Variants in RAPGEF4 observed in about 807,000 individuals in gnomAD.
RAPGEF4 encodes the protein RAP guanine-nucleotide-exchange factor (GEF) 4.
A neutral mutation model predicts 147.9 loss-of-function variants in RAPGEF4; 66 were observed. The observed-to-expected ratio is 0.45, with a 90% CI of 0.37 to 0.55. The LOEUF is 0.55. RAPGEF4 is among the 20% of genes least tolerant of loss of function. RAPGEF4 has a pLI of 0.00. For missense variants in RAPGEF4, 1,071 were observed against 1,257.3 expected, an observed-to-expected ratio of 0.85 and a Z score of 2.24; for synonymous variants, 419 against 442.7, an observed-to-expected ratio of 0.95 and a Z score of 0.67.
chr2:173,028,244 G>T (rs912999823), intron 25 of RAPGEF4, among the ~76,000 whole-genome samples: 7 of 152,168 alleles, frequency 4.6e-5, no homozygotes, highest in African/African-American at 1.7e-4. Context: ...AGAAAGGCTT[G>T]GTAAAATGGT....
intron 4 of RAPGEF4, among the ~76,000 whole-genome samples, chr2:172,827,481 T>C (rs952306975): frequency 6.6e-6 from 1 of 152,050 alleles, no homozygotes; most frequent in African/African-American, 2.4e-5. Flanking sequence ...ACCTCTTCCT[T>C]TACATTAACC....
At chr2:172,788,175 C>T (rs1685427070) in intron 1 of RAPGEF4, among the ~76,000 whole-genome samples, 1 of 152,206 alleles carries the variant, frequency 6.6e-6, no homozygotes, top group Non-Finnish European at 1.5e-5. Flanking sequence ...CCAAAGGCTC[C>T]ACCTCCTAAT....
intron 29 of RAPGEF4, among the ~76,000 whole-genome samples, chr2:173,037,905 T>C (rs1462970506): frequency 6.6e-6 from 1 of 152,192 alleles, no homozygotes; most frequent in East Asian, 1.9e-4. Context: ...TTATTCTAGT[T>C]GTTTCTTGAA....
intron 4 of RAPGEF4, among the ~76,000 whole-genome samples, chr2:172,838,322 G>C (rs1691192170): frequency 6.6e-6 from 1 of 152,054 alleles, no homozygotes; most frequent in Non-Finnish European, 1.5e-5. Flanking sequence ...TCAGAGTCAT[G>C]GTAATGGGCC....
chr2:172,820,739 G>C (rs1482366318), intron 4 of RAPGEF4, among the ~76,000 whole-genome samples: 1 of 152,200 alleles, frequency 6.6e-6, no homozygotes. Context: ...TTAGTAAATA[G>C]AGATATTAAT....
intron 4 of RAPGEF4, chr2:172,822,063 C>A: frequency 2.0e-6 from 3 of 1,498,196 alleles, no homozygotes; most frequent in South Asian, 2.4e-5. Context: ...GAATTATGCT[C>A]AAAAACATCT....
intron 4 of RAPGEF4, among the ~76,000 whole-genome samples, chr2:172,915,167 T>C (rs1300381695): frequency 6.6e-6 from 1 of 152,236 alleles, no homozygotes; most frequent in Non-Finnish European, 1.5e-5. Context: ...CAACCCTAAT[T>C]TGGTAATCTT....
At chr2:172,830,041 T>C (rs957529164) in intron 4 of RAPGEF4, among the ~76,000 whole-genome samples, 1 of 152,122 alleles carries the variant, frequency 6.6e-6, no homozygotes, top group Non-Finnish European at 1.5e-5. Flanking sequence ...TCAGCTTTCA[T>C]TCTAATTGGA....
intron 8 of RAPGEF4, among the ~76,000 whole-genome samples, chr2:172,962,844 T>A (rs1244977801): frequency 6.6e-6 from 1 of 152,204 alleles, no homozygotes; most frequent in East Asian, 1.9e-4. Flanking sequence ...TTGTAAGTCC[T>A]GTTCTCCAAC....
chr2:172,758,027 C>CA (rs145506909), intron 1 of RAPGEF4, among the ~76,000 whole-genome samples: 4,292 of 152,026 alleles, frequency 0.028, 103 homozygotes, highest in South Asian at 0.077. Flanking sequence ...GAAAAAACCC[C>CA]AAAAAACAAA....
chr2:172,942,569 A>T (rs13008901), intron 6 of RAPGEF4, among the ~76,000 whole-genome samples: 41,290 of 109,272 alleles, frequency 0.38, 6,284 homozygotes, highest in Middle Eastern at 0.48. Context: ...AGAGTCTGGT[A>T]AAAAAAAAAA....
intron 6 of RAPGEF4, among the ~76,000 whole-genome samples, chr2:172,950,336 C>A (rs965620920): frequency 1.1e-4 from 16 of 152,110 alleles, no homozygotes; most frequent in Non-Finnish European, 2.1e-4. Context: ...GCCAAGGTGA[C>A]CCTGTTCTGC....
intron 4 of RAPGEF4, among the ~76,000 whole-genome samples, chr2:172,889,049 C>T (rs3769276): frequency 0.18 from 27,530 of 152,080 alleles, 3,133 homozygotes; most frequent in Non-Finnish European, 0.25. Flanking sequence ...TGAGTGCTGA[C>T]GAACAATTTC....
chr2:172,790,297 T>C (rs948056291), intron 1 of RAPGEF4, among the ~76,000 whole-genome samples: 1 of 152,190 alleles, frequency 6.6e-6, no homozygotes, highest in Non-Finnish European at 1.5e-5. Context: ...TAATTAGATA[T>C]TAATTTTTTT....
intron 6 of RAPGEF4, among the ~76,000 whole-genome samples, chr2:172,957,571 C>T (rs367621032): frequency 1.3e-5 from 2 of 152,196 alleles, no homozygotes; most frequent in African/African-American, 4.8e-5. Context: ...AATACAGTGT[C>T]CCTTTCAAAG....
intron 15 of RAPGEF4, 109 bp downstream of exon 15, chr2:172,991,034 A>G (rs551903810): frequency 2.5e-6 from 2 of 814,976 alleles, no homozygotes; most frequent in African/African-American, 3.4e-5. Flanking sequence ...ATGGCAGTGT[A>G]TGTGACTTTT....
intron 4 of RAPGEF4, among the ~76,000 whole-genome samples, chr2:172,876,961 G>A (rs145013460): frequency 9.3e-4 from 141 of 152,176 alleles, no homozygotes; most frequent in African/African-American, 2.8e-3. Flanking sequence ...ACTTCTTCCT[G>A]GTTTAGTCTT....
intron 1 of RAPGEF4, among the ~76,000 whole-genome samples, chr2:172,737,913 A>G (rs1221048537): frequency 6.6e-6 from 1 of 152,182 alleles, no homozygotes; most frequent in African/African-American, 2.4e-5. Context: ...AAAAAAGGTG[A>G]AATAGTTTGA....
In RAPGEF4 at chr2:172,884,669, G is replaced by A. The variant is rs377420266; in HGVS notation, c.445-33133G>A. Among the ~76,000 whole-genome samples, 7 of 152,304 alleles carry A rather than the reference G, an allele frequency of 4.6e-5. No homozygotes were observed. In the East Asian group the frequency reaches 9.7e-4, roughly 21 times the overall value. On this transcript the variant is annotated intron_variant, in intron 4 of 30. Transcript: ENST00000397081. ...GCTGTTATTCAGCTGGTCCACACAT[G>A]TGTGCCCCAAAAGAGTTTTAAAGGT...
Sources: gnomAD v4.1 joint callset for allele counts (sites outside exome capture counted in the v4.1 genomes callset) on GRCh38, gnomAD v4.1.1 for gene constraint, MANE v1.5 for transcripts, NCBI Gene and HGNC (gene_info 2026-07-23, HGNC 2026-07-21) for gene names.